SOX6: variants seen among roughly 807,000 people sequenced by gnomAD.
The protein encoded by SOX6 is transcription factor SOX-6.
Under a neutral mutation model 97.8 loss-of-function variants are expected in SOX6, and 11 were observed. The observed-to-expected ratio is 0.11, with a 90% CI of 0.07 to 0.19. SOX6 has a LOEUF of 0.19. Among genes scored for constraint, SOX6 ranks in the 10% least tolerant of loss-of-function variants. The pLI is 1.00. For synonymous variants in SOX6, 360 were observed against 371.4 expected (o/e 0.97, Z 0.35); for missense variants, 810 against 1,039.5 (o/e 0.78, Z 3.04).
chr11:16,596,439 C>G (rs142449831), intron 4 of SOX6, among the ~76,000 whole-genome samples: 1 of 152,118 alleles, frequency 6.6e-6, no homozygotes, highest in Admixed American at 6.5e-5. Context: ...GAAACATGTA[C>G]GAGACATTTC....
intron 4 of SOX6, among the ~76,000 whole-genome samples, chr11:16,205,206 G>C (rs1270697219): frequency 6.6e-6 from 1 of 152,072 alleles, no homozygotes; most frequent in Admixed American, 6.6e-5. Context: ...CAGCATATGA[G>C]TTTTCATATG....
chr11:16,709,202 A>G (rs562356075), intron 3 of SOX6, among the ~76,000 whole-genome samples: 3 of 152,208 alleles, frequency 2.0e-5, no homozygotes, highest in African/African-American at 7.2e-5. Flanking sequence ...GCGAGTTCTC[A>G]TAAGAAATGG....
chr11:16,681,179 C>T (rs575322757), intron 3 of SOX6, among the ~76,000 whole-genome samples: 1 of 152,196 alleles, frequency 6.6e-6, no homozygotes, highest in Non-Finnish European at 1.5e-5. Flanking sequence ...CCACATCACA[C>T]TTATTCTAAA....
intron 15 of SOX6, among the ~76,000 whole-genome samples, chr11:15,976,304 A>T (rs1029887725): frequency 2.0e-5 from 3 of 152,178 alleles, no homozygotes; most frequent in African/African-American, 7.2e-5. Flanking sequence ...TCCCAGCTGC[A>T]CCAGTTACTG....
At chr11:16,261,245 T>C (rs962913882) in intron 3 of SOX6, among the ~76,000 whole-genome samples, 4 of 152,142 alleles carry the variant, frequency 2.6e-5, no homozygotes, top group African/African-American at 9.7e-5. Flanking sequence ...TGGCATATGG[T>C]AGACACTAAA....
chr11:16,109,362 T>C (rs1229665155), intron 7 of SOX6, among the ~76,000 whole-genome samples: 10 of 151,932 alleles, frequency 6.6e-5, no homozygotes, highest in South Asian at 2.1e-4. Flanking sequence ...CACCATGCTT[T>C]GCTAACTTTT....
intron 13 of SOX6, among the ~76,000 whole-genome samples, chr11:15,993,442 T>C (rs1193121660): frequency 2.9e-5 from 4 of 137,566 alleles, no homozygotes; most frequent in East Asian, 4.9e-4. Flanking sequence ...CAGCGTATGA[T>C]TTTTCATGGA....
chr11:16,428,251 A>G (rs913014623), intron 1 of SOX6, among the ~76,000 whole-genome samples: 10 of 152,004 alleles, frequency 6.6e-5, no homozygotes, highest in Admixed American at 3.3e-4. Context: ...AGTAGGTTGC[A>G]AAAATTTTCT....
chr11:15,989,360 A>T, intron 13 of SOX6, 130 bp from the exon 14 acceptor site: 1 of 666,524 alleles, frequency 1.5e-6, no homozygotes, highest in Non-Finnish European at 2.5e-6. Context: ...ACTTCTTGGA[A>T]GTAGAAGGCA....
chr11:16,015,500 G>T (rs576387484), intron 12 of SOX6, among the ~76,000 whole-genome samples: 1 of 152,058 alleles, frequency 6.6e-6, no homozygotes, highest in South Asian at 2.1e-4. Context: ...TTTTATGCAC[G>T]AGGATTTCAA....
At chr11:16,498,387 G>A (rs1490781971) in intron 4 of SOX6, among the ~76,000 whole-genome samples, 2 of 152,156 alleles carry the variant, frequency 1.3e-5, no homozygotes, top group African/African-American at 4.8e-5. Context: ...AGGCTAGGAT[G>A]AAACTGCATC....
At chr11:16,573,201 T>C (rs1352737440) in intron 4 of SOX6, among the ~76,000 whole-genome samples, 4 of 152,206 alleles carry the variant, frequency 2.6e-5, no homozygotes, top group African/African-American at 9.6e-5. Context: ...AGTGACAAGG[T>C]TGGGACCTAT....
At chr11:16,732,953 G>C (rs370801008) in intron 2 of SOX6, among the ~76,000 whole-genome samples, 91 of 152,270 alleles carry the variant, frequency 6.0e-4, no homozygotes, top group African/African-American at 2.0e-3. Flanking sequence ...CTCAAAAGAA[G>C]ACACTTATGC....
At chr11:16,004,027 TAC>T (rs1008628790) in intron 13 of SOX6, among the ~76,000 whole-genome samples, 42 of 151,404 alleles carry the variant, frequency 2.8e-4, no homozygotes, top group African/African-American at 8.7e-4. Flanking sequence ...CATATATATA[TAC>T]ACACACACAT....
chr11:16,722,733 A>T (rs1318115887), intron 2 of SOX6, among the ~76,000 whole-genome samples: 1 of 152,192 alleles, frequency 6.6e-6, no homozygotes, highest in African/African-American at 2.4e-5. Flanking sequence ...AAAAAACCTC[A>T]ATGTCACTAT....
rs954524801 is a variant in SOX6 at position 16,054,308 on chromosome 11, C to T, written c.1251+1444G>A. ...TAACAACTACGAGTAAGCAAAGTGT[C>T]TTTGAGTTGGAGTGTTCTCTTATTC... On this transcript the variant is annotated intron_variant, in intron 10 of 15. Coordinates refer to ENST00000683767, the MANE Select transcript of SOX6 (RefSeq NM_001367873.1). 1.3e-4 allele frequency among the ~76,000 whole-genome samples: 19 copies of T among 151,584 alleles called. No individual in the cohort carries two copies. In the East Asian group the frequency reaches 3.3e-3, roughly 26 times the overall value.
At position 16,734,931 on chromosome 11, in the gene SOX6, A is replaced by G. The variant is rs139126166; in HGVS notation, n.353+1408T>C. Among the ~76,000 whole-genome samples the G allele has an allele frequency of 2.8e-3, 433 of 152,280 alleles. 6 individuals carry two copies. Among genetic ancestry groups the G allele is most frequent in the African/African-American group, 9.9e-3 (410 of 41,560 alleles). ...GTTAAAGATAATAGTAGAAAATAAG[A>G]CTGGAATGGATTATTGAGATCAGAA... On this transcript the variant is annotated intron_variant and non_coding_transcript_variant, in intron 2 of 5. Transcript: ENST00000524520.
intron 4 of SOX6, among the ~76,000 whole-genome samples, chr11:16,565,758 ACTCGTCAACAG>A (rs1847867017): frequency 1.3e-5 from 2 of 150,450 alleles, no homozygotes; most frequent in African/African-American, 4.9e-5. Flanking sequence ...AAAAAAAAAA[ACTCGTCAACAG>A]AAAGAAATTC....
At chr11:16,093,361 GTCTTTACGGAATCT>G (rs1288820248) in intron 9 of SOX6, among the ~76,000 whole-genome samples, 1 of 151,924 alleles carries the variant, frequency 6.6e-6, no homozygotes, top group Admixed American at 6.6e-5. Context: ...TTAAAAAATG[GTCTTTACGGAATCT>G]TCCTTATTTT....
Sources: gnomAD v4.1 joint callset for allele counts (sites outside exome capture counted in the v4.1 genomes callset) on GRCh38, gnomAD v4.1.1 for gene constraint, MANE v1.5 for transcripts, NCBI Gene and HGNC (gene_info 2026-07-23, HGNC 2026-07-21) for gene names.